The following TRPM4 variants were observed in gnomAD, a reference collection of about 807,000 sequenced individuals.
TRPM4 encodes the protein calcium-activated non-selective cation channel 1.
Under a neutral mutation model 135.6 loss-of-function variants are expected in TRPM4, and 124 were observed. The ratio of observed to expected loss-of-function variants is 0.91; its 90% CI spans 0.79 to 1.06. The LOEUF is 1.06. Among genes scored for constraint, TRPM4 ranks in the 50% least tolerant of loss-of-function variants. TRPM4 has a pLI of 0.00. For missense variants in TRPM4, 1,658 were observed against 1,671.4 expected (o/e 0.99, Z 0.14); for synonymous variants, 745 against 705.6 (o/e 1.06, Z -0.88).
rs1568456560 is a variant in TRPM4, at chr19:49,166,049, T to G, written c.101T>G (p.Leu34Trp). 6.3e-7 allele frequency: 1 copy of G among 1,595,816 alleles called. No homozygotes were observed. Among genetic ancestry groups the G allele is most frequent in the East Asian group, 2.3e-5 (1 of 44,204 alleles). Residue 34 changes from leucine to tryptophan, a missense_variant, in exon 3 of 25, where the codon TTG becomes TGG. Physicochemically the swap from Leu to Trp is moderately conservative, Grantham distance 61. Transcript: ENST00000252826. Reference protein sequence around the residue: ...IVDSTDPGGTLCQCGRPRTAH... With the variant: ...IVDSTDPGGTWCQCGRPRTAH... ...CGCCCTCGCACCCCCAGAGGGACCT[T>G]GTGCCAGTGTGGGCGCCCCCGGACC...
chr19:49,158,172 A>G lies in TRPM4; in HGVS notation c.25-20A>G, dbSNP rs369407524. The stretch of plus-strand genomic sequence containing the variant: ...GCCCTCTCACCCCACTTCCACCCCT[A>G]CATTTGTTCCTGTCCCCAGAGCTGG... On this transcript the variant is annotated intron_variant, in intron 1 of 24. Transcript: ENST00000252826. 6.2e-7 allele frequency: 1 copy of G among 1,612,388 alleles called. No homozygotes were observed. Among genetic ancestry groups the G allele is most frequent in the Admixed American group, 1.7e-5 (1 of 59,990 alleles).
In TRPM4 at chr19:49,200,748, G is replaced by T. The variant is rs776638435; in HGVS notation, c.2916G>T (p.Leu972=). 4.3e-6 allele frequency: 7 copies of T among 1,613,988 alleles called. No individual in the cohort carries two copies. Among genetic ancestry groups the T allele is most frequent in the Non-Finnish European group, 5.9e-6 (7 of 1,180,026 alleles). The change falls in exon 19 of 25, where the codon CTG becomes CTT. Residue 972 remains leucine (L), a synonymous_variant. Transcript: ENST00000252826. The part of the protein sequence containing the change: ...ILRRVFYRPY[L]QIFGQIPQED... ...GCCGCGTCTTCTACCGTCCCTACCTGCAGATCTTCGGGCAGATTCCCCAGG... is the reference window on the plus strand; with the variant it reads ...GCCGCGTCTTCTACCGTCCCTACCTTCAGATCTTCGGGCAGATTCCCCAGG...
intron 2 of TRPM4, 42 bp from the exon 3 acceptor site, chr19:49,165,999 G>A (rs1013667874): frequency 2.3e-5 from 35 of 1,550,718 alleles, no homozygotes; most frequent in Non-Finnish European, 2.9e-5. Flanking sequence ...TGCTGGGGTC[G>A]GGGGGCAGCC....
chr19:49,182,238 A>ACCTT (rs1967981455), intron 10 of TRPM4, among the ~76,000 whole-genome samples: 1 of 86,904 alleles, frequency 1.2e-5, no homozygotes, highest in African/African-American at 5.5e-5. Flanking sequence ...CCATCCATCT[A>ACCTT]TCCATCCATC....
chr19:49,211,159 C>T lies in TRPM4; in HGVS notation c.3535-5C>T. On this transcript the variant is annotated splice_polypyrimidine_tract_variant and splice_region_variant and intron_variant, in intron 23 of 24. Transcript: ENST00000252826. The surrounding 1 kb of genome is among the most constrained non-coding windows in gnomAD (Gnocchi z 4.8). Reference sequence around the variant, plus strand: ...TCCCGCTCTGACATTCCTCCCATTCCGCAGGTCCAGCAGTGTAGCCGCGTC... The same window carrying T: ...TCCCGCTCTGACATTCCTCCCATTCTGCAGGTCCAGCAGTGTAGCCGCGTC... The T allele has an allele frequency of 6.2e-7, 1 of 1,607,310 alleles. No individual in the cohort carries two copies. Among genetic ancestry groups the T allele is most frequent in the Non-Finnish European group, 8.5e-7 (1 of 1,177,342 alleles).
intron 20 of TRPM4, among the ~76,000 whole-genome samples, chr19:49,208,545 T>C (rs1431677542): frequency 2.0e-5 from 3 of 152,100 alleles, no homozygotes; most frequent in African/African-American, 7.2e-5. Context: ...CCCCTTCAGC[T>C]CCTATCTCTG....
At chr19:49,158,574 G>T in intron 2 of TRPM4, 4 of 376,600 alleles carry the variant, frequency 1.1e-5, no homozygotes, top group East Asian at 5.1e-5. Context: ...TTCCCTTTTG[G>T]GTATTTCTGT....
At chr19:49,176,078 C>T (rs963688366) in intron 9 of TRPM4, among the ~76,000 whole-genome samples, 3 of 151,632 alleles carry the variant, frequency 2.0e-5, no homozygotes, top group African/African-American at 7.3e-5. Context: ...TGCCCACAAC[C>T]GCACCCGGCT....
rs1251283940 is a variant in TRPM4, at chr19:49,200,676, G to A, written c.2844G>A (p.Thr948=). 6 of 1,613,882 alleles carry A rather than the reference G, an allele frequency of 3.7e-6. No individual in the cohort carries two copies. The highest frequency in any genetic ancestry group is 3.4e-6 in the Non-Finnish European group (4 of 1,180,020). The stretch of plus-strand genomic sequence containing the variant: ...GGCTGGTAGCCTATGGCGTGGCCAC[G>A]GAGGGGCTCCTGAGGCCACGGGACA... ...GVWLVAYGVA[T]EGLLRPRDSD... The change falls in exon 19 of 25, where the codon ACG becomes ACA. Residue 948 remains threonine, a synonymous_variant. Coordinates refer to ENST00000252826, the MANE Select transcript of TRPM4 (RefSeq NM_017636.4).
rs771687834 is a variant in TRPM4, at chr19:49,166,202, G to C, written c.254G>C (p.Arg85Pro). The change falls in exon 3 of 25, where the codon CGC (arginine) becomes CCC (proline). Residue 85 changes from arginine to proline, a missense_variant. This residue lies in a region of TRPM4 where 239 missense variants were observed against 240.1 expected (regional missense o/e 1.00). Coordinates refer to ENST00000252826, the MANE Select transcript of TRPM4 (RefSeq NM_017636.4). Reference sequence around the variant, plus strand: ...GAGCTGGACTTCACGGGGGCCGGCCGCAAGCACAGCAATGTGAGGCGGGCC... The same window carrying C: ...GAGCTGGACTTCACGGGGGCCGGCCCCAAGCACAGCAATGTGAGGCGGGCC... ...YGELDFTGAG[R>P]KHSNFLRLSD... The C allele has an allele frequency of 1.2e-6, 2 of 1,604,054 alleles. No individual in the cohort carries two copies. Among genetic ancestry groups the C allele is most frequent in the Non-Finnish European group, 1.7e-6 (2 of 1,176,408 alleles).
chr19:49,165,038 C>G (rs547567002), intron 2 of TRPM4, among the ~76,000 whole-genome samples: 1 of 152,100 alleles, frequency 6.6e-6, no homozygotes, highest in African/African-American at 2.4e-5. Flanking sequence ...CCATCATACC[C>G]GACCCTACAT....
chr19:49,165,996 G>A, intron 2 of TRPM4, 45 bp from the exon 3 acceptor site: 1 of 1,549,242 alleles, frequency 6.5e-7, no homozygotes, highest in East Asian at 2.4e-5. Flanking sequence ...GGGTGCTGGG[G>A]TCGGGGGGCA....
Position 49,200,719 on chromosome 19 carries a change from C to T in TRPM4, c.2887C>T (p.Leu963=), listed in dbSNP as rs368553372. The T allele has an allele frequency of 1.5e-5, 25 of 1,613,994 alleles. No individual in the cohort carries two copies. The African/African-American group carries it at 3.3e-4, about 22-fold the overall frequency. The change falls in exon 19 of 25, where the codon CTG becomes TTG. Residue 963 remains leucine, a synonymous_variant. Transcript: ENST00000252826. The stretch of plus-strand genomic sequence containing the variant: ...ACGGGACAGTGACTTCCCAAGTATC[C>T]TGCGCCGCGTCTTCTACCGTCCCTA... ...RPRDSDFPSI[L]RRVFYRPYLQ... is the part of the protein sequence containing the mutation.
At chr19:49,162,951 A>G (rs1445813494) in intron 2 of TRPM4, among the ~76,000 whole-genome samples, 5 of 151,930 alleles carry the variant, frequency 3.3e-5, no homozygotes, top group African/African-American at 7.3e-5. Context: ...TAGTAGAAAC[A>G]GGGTTTCACC....
chr19:49,197,334 T>C lies in TRPM4; in HGVS notation c.2645+460T>C, dbSNP rs1468142683. ...TTTCTTTCTTTCTTTCTTTCTTTCT[T>C]TCTTTCTTTCTTTCTTTCTTTCTTT... On this transcript the variant is annotated intron_variant, in intron 17 of 24. Coordinates refer to ENST00000252826, the MANE Select transcript of TRPM4 (RefSeq NM_017636.4). Among the ~76,000 whole-genome samples the C allele has an allele frequency of 5.7e-3, 741 of 130,176 alleles. 15 individuals are homozygous for C. The highest frequency in any genetic ancestry group is 0.039 in the Middle Eastern group (11 of 282). 85.4% of individuals were successfully genotyped at this position (130,176 alleles called of 152,430 possible). A position where few individuals can be genotyped will look rare whatever the true frequency, so the allele number is the denominator to read the frequency against.
At chr19:49,165,989 T>C in intron 2 of TRPM4, 52 bp from the exon 3 acceptor site, 1 of 1,532,874 alleles carries the variant, frequency 6.5e-7, no homozygotes, top group East Asian at 2.4e-5. Flanking sequence ...GCTGACAGGG[T>C]GCTGGGGTCG....
chr19:49,177,079 A>G (rs1006023722), intron 9 of TRPM4, among the ~76,000 whole-genome samples: 2 of 152,076 alleles, frequency 1.3e-5, no homozygotes, highest in Admixed American at 1.3e-4. Flanking sequence ...CTCTGGGGGT[A>G]CATCCTTCAA....
chr19:49,158,343 C>A, intron 2 of TRPM4, 84 bp downstream of exon 2: 3 of 1,265,412 alleles, frequency 2.4e-6, no homozygotes, highest in Middle Eastern at 1.8e-4. Flanking sequence ...CAGCCCTGCT[C>A]CTTCCCCATT....
intron 12 of TRPM4, among the ~76,000 whole-genome samples, chr19:49,185,766 G>A (rs1344216070): frequency 6.6e-6 from 1 of 151,422 alleles, no homozygotes; most frequent in Admixed American, 6.6e-5. Flanking sequence ...TTTGGGGGGA[G>A]GGGGGATGGA....
Sources: gnomAD v4.1 joint callset for allele counts (sites outside exome capture counted in the v4.1 genomes callset) on GRCh38, gnomAD v4.1.1 for gene constraint, gnomAD v4.1.1 regional missense constraint, Gnocchi (gnomAD v3.1) non-coding constraint, MANE v1.5 for transcripts, NCBI Gene and HGNC (gene_info 2026-07-23, HGNC 2026-07-21) for gene names.